The following WARS1 variants were observed in gnomAD, a reference collection of about 807,000 sequenced individuals.
The protein encoded by WARS1 is tryptophan--tRNA ligase, cytoplasmic.
Under a neutral mutation model 47.8 loss-of-function variants are expected in WARS1, and 17 were observed. The ratio of observed to expected loss-of-function variants is 0.36; its 90% CI spans 0.24 to 0.53. The LOEUF is 0.53. Among genes scored for constraint, WARS1 ranks in the 20% least tolerant of loss-of-function variants. The pLI, the probability that WARS1 is intolerant of heterozygous loss-of-function variation, is 0.91. For missense variants in WARS1, 434 were observed against 608.0 expected, an observed-to-expected ratio of 0.71 and a Z score of 3.01; for synonymous variants, 208 against 228.1, an observed-to-expected ratio of 0.91 and a Z score of 0.79.
chr14:100,366,737 G>A, intron 2 of WARS1: 1 of 861,282 alleles, frequency 1.2e-6, no homozygotes, highest in Non-Finnish European at 2.0e-6. Flanking sequence ...GAAGCTGGCT[G>A]AAAAAGGGCT....
chr14:100,345,848 C>T (rs61631203), intron 7 of WARS1, among the ~76,000 whole-genome samples: 245 of 152,338 alleles, frequency 1.6e-3, no homozygotes, highest in African/African-American at 5.1e-3. Flanking sequence ...CACCAAGTGG[C>T]GGTACCCAGA....
chr14:100,339,574 G>A (rs369905744), intron 9 of WARS1, among the ~76,000 whole-genome samples: 108 of 130,190 alleles, frequency 8.3e-4, no homozygotes, highest in African/African-American at 2.9e-3. Context: ...CTGGGCGACA[G>A]AGTGAGACTC....
intron 4 of WARS1, 97 bp downstream of exon 4, chr14:100,360,457 C>T: frequency 1.1e-6 from 1 of 886,022 alleles, no homozygotes; most frequent in Non-Finnish European, 1.7e-6. Context: ...ATCACTTTTC[C>T]CACAGTACCA....
At chr14:100,358,353 C>T (rs1299475177) in intron 4 of WARS1, among the ~76,000 whole-genome samples, 1 of 151,566 alleles carries the variant, frequency 6.6e-6, no homozygotes, top group Non-Finnish European at 1.5e-5. Context: ...AGGATGGTCT[C>T]AATCTCCTGA....
At chr14:100,356,386 T>G (rs1214144981) in intron 4 of WARS1, among the ~76,000 whole-genome samples, 3 of 76,044 alleles carry the variant, frequency 3.9e-5, no homozygotes, top group African/African-American at 7.4e-5. Flanking sequence ...TGACTGGGTG[T>G]GTGTGTGTGT....
In WARS1 at chr14:100,362,025, T is replaced by C. The variant is rs1566860551; in HGVS notation, c.100-104A>G. On this transcript the variant is annotated intron_variant, in intron 2 of 10. Coordinates refer to ENST00000392882, the MANE Select transcript of WARS1 (RefSeq NM_004184.4). ...ACTGTGTTAAATGCTTTTACACGTG[T>C]TACCTTAGTTAGTGTCACAACCCTA... 9.3e-6 allele frequency: 11 copies of C among 1,183,274 alleles called. No individual in the cohort carries two copies. In the East Asian group the frequency reaches 2.5e-4, roughly 27 times the overall value. 73.3% of individuals were successfully genotyped at this position (1,183,274 alleles called of 1,614,324 possible). A position where few individuals can be genotyped will look rare whatever the true frequency, so the allele number is the denominator to read the frequency against.
At chr14:100,365,544 C>T (rs557461750) in intron 2 of WARS1, 2 of 196,016 alleles carry the variant, frequency 1.0e-5, no homozygotes, top group Non-Finnish European at 2.1e-5. Flanking sequence ...TGTGCCAGTG[C>T]ACTCCAGCCT....
Position 100,337,120 on chromosome 14 carries a change from G to C in WARS1, c.1196C>G (p.Ser399Cys). The C allele has an allele frequency of 1.2e-6, 2 of 1,614,210 alleles. No homozygotes were observed. Among genetic ancestry groups the C allele is most frequent in the Non-Finnish European group, 1.7e-6 (2 of 1,180,026 alleles). Residue 399 changes from serine to cysteine, a missense_variant, in exon 10 of 11, where the codon TCT becomes TGT. Physicochemically the swap from Ser to Cys is moderately radical, Grantham distance 112. This residue lies in a region of WARS1 where 347 missense variants were observed against 523.8 expected (regional missense o/e 0.66). Coordinates refer to ENST00000392882, the MANE Select transcript of WARS1 (RefSeq NM_004184.4). Reference protein sequence around the residue: ...QFGGNCDVDVSFMYLTFFLED... With the variant: ...QFGGNCDVDVCFMYLTFFLED... ...GAGGAAGAAGGTCAGGTACATGAAAGACACGTCCACATCACAGTTGCCCCC... is the reference window on the plus strand; with the variant it reads ...GAGGAAGAAGGTCAGGTACATGAAACACACGTCCACATCACAGTTGCCCCC...
At position 100,334,639 on chromosome 14, in the gene WARS1, A is replaced by G. The variant is rs1323339138; in HGVS notation, c.*236T>C. 1 of 418,646 alleles carries G rather than the reference A, an allele frequency of 2.4e-6. No individual in the cohort carries two copies. The highest frequency in any genetic ancestry group is 4.1e-5 in the Admixed American group (1 of 24,506). The allele number at this position is 418,646 out of a possible 1,614,324, so 25.9% of individuals were successfully genotyped here. The stretch of plus-strand genomic sequence containing the variant: ...GAGAGACTCACAGCTGGACTTCTCT[A>G]TCCGACCATGCAATGTTAGCCAGCA... On this transcript the variant is annotated 3_prime_UTR_variant, in exon 11 of 11. Transcript: ENST00000392882.
At chr14:100,352,260 C>G (rs140146276) in intron 6 of WARS1, among the ~76,000 whole-genome samples, 1 of 151,350 alleles carries the variant, frequency 6.6e-6, no homozygotes, top group Admixed American at 6.6e-5. Context: ...TACAGGAGCA[C>G]GCCACCACAC....
intron 10 of WARS1, among the ~76,000 whole-genome samples, chr14:100,336,293 A>T (rs1893728292): frequency 7.0e-6 from 1 of 143,222 alleles, no homozygotes; most frequent in African/African-American, 2.6e-5. Context: ...AAAAAAAAAG[A>T]AAGAAATGAG....
At chr14:100,337,037 T>C (rs768772836) in intron 10 of WARS1, 25 bp downstream of exon 10, 6 of 1,603,574 alleles carry the variant, frequency 3.7e-6, no homozygotes, top group Non-Finnish European at 2.6e-6. Flanking sequence ...AAGGCGGCTG[T>C]GGGCCCTTGG....
At chr14:100,365,562 AGAGT>A (rs1895927545) in intron 2 of WARS1, 1 of 170,238 alleles carries the variant, frequency 5.9e-6, no homozygotes, top group Non-Finnish European at 1.2e-5. Context: ...CCTGGGCGAC[AGAGT>A]GAGACTCAGC....
intron 2 of WARS1, among the ~76,000 whole-genome samples, chr14:100,364,206 A>G (rs975293105): frequency 1.3e-5 from 2 of 152,218 alleles, no homozygotes; most frequent in African/African-American, 4.8e-5. Context: ...AAAAAGGAGA[A>G]GAAGAAAAAG....
At chr14:100,341,785 T>C (rs984362966) in intron 9 of WARS1, among the ~76,000 whole-genome samples, 2 of 152,250 alleles carry the variant, frequency 1.3e-5, no homozygotes, top group African/African-American at 2.4e-5. Context: ...TTCTCCGTTC[T>C]ATGTCTCTCA....
In WARS1 at chr14:100,366,046, C is replaced by T. The variant is rs767227058; in HGVS notation, c.99+3041G>A. On this transcript the variant is annotated intron_variant, in intron 2 of 10. Coordinates refer to ENST00000392882, the MANE Select transcript of WARS1 (RefSeq NM_004184.4). ...TATTGAGAATCCCTCTCCCCTCGGC[C>T]AAGGGAGTGTCACAGTTTCCCCTCC... is the stretch of plus-strand genomic sequence containing the variant. 113 of 455,972 alleles carry T rather than the reference C, an allele frequency of 2.5e-4. 3 individuals carry two copies. The highest frequency in any genetic ancestry group is 1.7e-3 in the South Asian group (107 of 64,552). The allele number at this position is 455,972 out of a possible 1,614,324, so 28.2% of individuals were successfully genotyped here.
intron 1 of WARS1, among the ~76,000 whole-genome samples, chr14:100,374,551 TG>T (rs1436464077): frequency 3.9e-5 from 6 of 152,230 alleles, no homozygotes; most frequent in African/African-American, 1.4e-4. Flanking sequence ...ACTATAGAAT[TG>T]TTTAACAGAA....
chr14:100,376,254 G>C (rs1464780172), upstream of WARS1: 2 of 566,252 alleles, frequency 3.5e-6, no homozygotes, highest in African/African-American at 1.9e-5. Context: ...TACTCCCCTC[G>C]CTTACCCTGC....
chr14:100,354,476 T>C lies in WARS1; in HGVS notation c.513A>G (p.Val171=), dbSNP rs201758979. 8 of 1,614,024 alleles carry C rather than the reference T, an allele frequency of 5.0e-6. No individual in the cohort carries two copies. Among genetic ancestry groups the C allele is most frequent in the Non-Finnish European group, 6.8e-6 (8 of 1,180,016 alleles). ...GRGPSSEAMH[V]GHLIPFIFTK... Reference sequence around the variant, plus strand: ...TGAAAATAAATGGAATGAGGTGACCTACATGCATTGCTTCAGAAGAGGGGC... The same window carrying C: ...TGAAAATAAATGGAATGAGGTGACCCACATGCATTGCTTCAGAAGAGGGGC... Residue 171 remains valine, a synonymous_variant, in exon 5 of 11, where the codon GTA becomes GTG. Transcript: ENST00000392882.
Sources: gnomAD v4.1 joint callset for allele counts (sites outside exome capture counted in the v4.1 genomes callset) on GRCh38, gnomAD v4.1.1 for gene constraint, gnomAD v4.1.1 regional missense constraint, MANE v1.5 for transcripts, NCBI Gene and HGNC (gene_info 2026-07-23, HGNC 2026-07-21) for gene names.